The following IQGAP1 variants were observed in gnomAD, a reference collection of about 807,000 sequenced individuals.
IQGAP1 encodes ras GTPase-activating-like protein IQGAP1.
A neutral mutation model predicts 215.6 loss-of-function variants in IQGAP1; 66 were observed. The observed-to-expected ratio is 0.31, with a 90% confidence interval of 0.25 to 0.38. The LOEUF (loss-of-function observed/expected upper bound fraction) is 0.38. IQGAP1 is among the 10% of genes least tolerant of loss of function. IQGAP1 has a pLI of 1.00. For missense variants in IQGAP1, 1,712 were observed against 1,997.1 expected, an observed-to-expected ratio of 0.86 and a Z score of 2.72; for synonymous variants, 772 against 728.7, an observed-to-expected ratio of 1.06 and a Z score of -0.96.
At chr15:90,485,606 A>C (rs917297181) in intron 30 of IQGAP1, among the ~76,000 whole-genome samples, 1 of 151,952 alleles carries the variant, frequency 6.6e-6, no homozygotes, top group Non-Finnish European at 1.5e-5. Context: ...CGCCCAGCTA[A>C]TTTTTGTATT....
chr15:90,477,992 C>A, intron 26 of IQGAP1, 103 bp downstream of exon 26: 1 of 762,558 alleles, frequency 1.3e-6, no homozygotes, highest in African/African-American at 1.8e-5. Context: ...AATAGTTTTT[C>A]TTTTCTTTTC....
chr15:90,422,634 A>ATG lies in IQGAP1; in HGVS notation c.156-3475_156-3474insGT, dbSNP rs1555435944. Among the ~76,000 whole-genome samples the ATG allele has an allele frequency of 6.7e-3, 601 of 90,142 alleles. 18 individuals are homozygous for ATG. Among genetic ancestry groups the ATG allele is most frequent in the African/African-American group, 0.021 (563 of 27,462 alleles). 59.1% of individuals were successfully genotyped at this position (90,142 alleles called of 152,430 possible). On this transcript the variant is annotated intron_variant, in intron 2 of 37. Coordinates refer to ENST00000268182, the MANE Select transcript of IQGAP1 (RefSeq NM_003870.4). ...CATATATATATATATATGTATATAT[A>ATG]TATATGTATATGTATATATATATAT...
At chr15:90,488,178 A>G (rs1432388500) in intron 33 of IQGAP1, among the ~76,000 whole-genome samples, 1 of 152,104 alleles carries the variant, frequency 6.6e-6, no homozygotes, top group African/African-American at 2.4e-5. Context: ...CCAAGATCGC[A>G]CCACTGCACT....
intron 15 of IQGAP1, among the ~76,000 whole-genome samples, chr15:90,461,550 T>G (rs1399571517): frequency 2.6e-5 from 4 of 152,172 alleles, no homozygotes; most frequent in African/African-American, 9.6e-5. Context: ...AGAATATGAA[T>G]GACTTAGGCC....
chr15:90,410,623 G>A (rs915394931), intron 2 of IQGAP1, among the ~76,000 whole-genome samples: 6 of 151,714 alleles, frequency 4.0e-5, no homozygotes, highest in African/African-American at 1.5e-4. Context: ...ACTCATAGGT[G>A]GGAATTGAAC....
intron 15 of IQGAP1, among the ~76,000 whole-genome samples, chr15:90,460,871 C>T (rs1194798378): frequency 4.0e-5 from 6 of 151,730 alleles, no homozygotes; most frequent in African/African-American, 1.2e-4. Flanking sequence ...CGGTGGTGTG[C>T]ACCTGTGGTC....
chr15:90,473,769 C>G lies in IQGAP1; in HGVS notation c.2404C>G (p.Leu802Val). 6.2e-7 allele frequency: 1 copy of G among 1,612,096 alleles called. No homozygotes were observed. The highest frequency in any genetic ancestry group is 8.5e-7 in the Non-Finnish European group (1 of 1,179,506). The change falls in exon 20 of 38, where the codon CTG becomes GTG. Residue 802 changes from leucine (L) to valine (V), a missense_variant. By Grantham distance (32) the Leu-to-Val change is conservative. This residue lies in a region of IQGAP1 where 1,021 missense variants were observed against 1,074.2 expected (regional missense o/e 0.95). Transcript: ENST00000268182. ...GGCATATCAAGATCGGTTAGCTTAC[C>G]TGCGCTCCCACAAAGATGAAGTTGT... is the stretch of plus-strand genomic sequence containing the variant. ...KKAYQDRLAY[L>V]RSHKDEVVKI...
intron 2 of IQGAP1, among the ~76,000 whole-genome samples, chr15:90,409,426 T>TG (rs994592240): frequency 7.2e-5 from 11 of 152,104 alleles, no homozygotes; most frequent in African/African-American, 2.6e-4. Flanking sequence ...TTAGTAGAGA[T>TG]GGGGTCTTAC....
At position 90,444,601 on chromosome 15, in the gene IQGAP1, C is replaced by G. The variant is rs143390654; in HGVS notation, c.913+1123C>G. On this transcript the variant is annotated intron_variant, in intron 9 of 37. Transcript: ENST00000268182. The stretch of plus-strand genomic sequence containing the variant: ...GCCCAGCCTCCAAAACATATTTAAA[C>G]AAAAATGAGATTATACTTTTAATAT... Among the ~76,000 whole-genome samples the G allele has an allele frequency of 1.5e-3, 224 of 152,090 alleles. 1 individual carries two copies. In the East Asian group the frequency reaches 0.023, roughly 16 times the overall value.
intron 2 of IQGAP1, among the ~76,000 whole-genome samples, chr15:90,405,223 A>G (rs888057632): frequency 3.9e-5 from 6 of 152,160 alleles, no homozygotes; most frequent in Non-Finnish European, 7.3e-5. Flanking sequence ...TTATGAACTG[A>G]TATCTTAATT....
intron 30 of IQGAP1, 90 bp from the exon 31 acceptor site, chr15:90,485,940 C>T (rs918551762): frequency 2.2e-6 from 2 of 917,542 alleles, no homozygotes; most frequent in Non-Finnish European, 3.3e-6. Flanking sequence ...TTTGTTGGAA[C>T]CTCTTTGTGC....
At chr15:90,466,814 G>A (rs529259853) in intron 17 of IQGAP1, among the ~76,000 whole-genome samples, 101 of 152,264 alleles carry the variant, frequency 6.6e-4, no homozygotes, top group African/African-American at 2.2e-3. Flanking sequence ...AAACTGGGCC[G>A]GGTGCGGTGG....
intron 37 of IQGAP1, among the ~76,000 whole-genome samples, chr15:90,498,699 G>C (rs1224588585): frequency 6.6e-6 from 1 of 151,970 alleles, no homozygotes; most frequent in Non-Finnish European, 1.5e-5. Context: ...CCAGACTGGA[G>C]TGTAGTGGCG....
At chr15:90,422,800 G>A (rs1965166485) in intron 2 of IQGAP1, among the ~76,000 whole-genome samples, 1 of 151,196 alleles carries the variant, frequency 6.6e-6, no homozygotes, top group Admixed American at 6.6e-5. Flanking sequence ...GGCTCAAACG[G>A]TCCTCCTGCT....
intron 2 of IQGAP1, among the ~76,000 whole-genome samples, chr15:90,403,096 C>A (rs1964826691): frequency 6.6e-6 from 1 of 152,064 alleles, no homozygotes. Flanking sequence ...CATATTAAGA[C>A]CCTGTCTCTA....
At chr15:90,429,142 C>T (rs549304340) in intron 3 of IQGAP1, among the ~76,000 whole-genome samples, 5 of 152,210 alleles carry the variant, frequency 3.3e-5, no homozygotes, top group East Asian at 1.9e-4. Flanking sequence ...AATGAGCCAC[C>T]GTCCCAGCGT....
intron 2 of IQGAP1, among the ~76,000 whole-genome samples, chr15:90,422,344 C>G (rs890025465): frequency 6.6e-6 from 1 of 151,944 alleles, no homozygotes; most frequent in Non-Finnish European, 1.5e-5. Flanking sequence ...GATTCTTTTT[C>G]AATGTTTATA....
At chr15:90,456,846 C>T (rs1182455250) in intron 15 of IQGAP1, among the ~76,000 whole-genome samples, 1 of 150,170 alleles carries the variant, frequency 6.7e-6, no homozygotes, top group East Asian at 1.9e-4. Context: ...CGAGATTGCG[C>T]CACTGCACTC....
Position 90,452,830 on chromosome 15 carries a change from G to C in IQGAP1, c.1218G>C (p.Lys406Asn), listed in dbSNP as rs778736237. The C allele has an allele frequency of 6.2e-7, 1 of 1,614,130 alleles. No homozygotes were observed. The change falls in exon 12 of 38, where the codon AAG becomes AAC. Residue 406 changes from lysine (K) to asparagine (N), a missense_variant. Around this residue, in one of 2 missense-constraint regions of IQGAP1, gnomAD observed 1,021 missense variants for 1,074.2 expected, o/e 0.95. Transcript: ENST00000268182. ...CAATCCAGAAGGGTGTTGCTGAGAA[G>C]ACTGTTTTGGAACTGATGAATCCCG... ...NAAIQKGVAE[K>N]TVLELMNPEA...
Sources: gnomAD v4.1 joint callset for allele counts (sites outside exome capture counted in the v4.1 genomes callset) on GRCh38, gnomAD v4.1.1 for gene constraint, gnomAD v4.1.1 regional missense constraint, MANE v1.5 for transcripts, NCBI Gene and HGNC (gene_info 2026-07-23, HGNC 2026-07-21) for gene names.